ZDHHC11B: variants seen among roughly 807,000 people sequenced by gnomAD.
ZDHHC11B encodes probable palmitoyltransferase ZDHHC11B.
ZDHHC11B carries 17 observed loss-of-function variants against 42.3 expected under a neutral mutation model. That is an observed-to-expected ratio of 0.40 (90% confidence interval 0.27 to 0.60). ZDHHC11B has a LOEUF of 0.60. Among genes scored for constraint, ZDHHC11B ranks in the 20% least tolerant of loss-of-function variants. The pLI, the probability that ZDHHC11B is intolerant of heterozygous loss-of-function variation, is 0.41. For missense variants in ZDHHC11B, 262 were observed against 463.2 expected (o/e 0.57, Z 3.99); for synonymous variants, 123 against 193.5 (o/e 0.64, Z 3.02).
At chr5:732,112 T>G (rs1407998917) in intron 11 of ZDHHC11B, 3 of 153,028 alleles carry the variant, frequency 2.0e-5, no homozygotes, top group Non-Finnish European at 4.4e-5. Context: ...GGCGATGGAC[T>G]GTAGGTCTGT....
intron 7 of ZDHHC11B, among the ~76,000 whole-genome samples, chr5:750,804 C>T (rs1306634057): frequency 1.5e-5 from 2 of 129,846 alleles, no homozygotes; most frequent in African/African-American, 5.1e-5. Context: ...CTACATGGCC[C>T]CACAGGATGG....
intron 12 of ZDHHC11B, among the ~76,000 whole-genome samples, chr5:726,327 G>A (rs1234923683): frequency 3.3e-5 from 5 of 150,898 alleles, no homozygotes; most frequent in African/African-American, 1.2e-4. Context: ...CTGTGAGTGA[G>A]TCTATAAGGT....
rs1431413599 is a variant in ZDHHC11B, at chr5:741,158, C to T, written c.935+436G>A. ...GCCCTGGCCCTGTTGGGTGGGGCTCCGGGTCAAGGCACCCCCAGTGCTCCC... is the reference window on the plus strand; with the variant it reads ...GCCCTGGCCCTGTTGGGTGGGGCTCTGGGTCAAGGCACCCCCAGTGCTCCC... On this transcript the variant is annotated intron_variant, in intron 10 of 13. Transcript: ENST00000508859. Among the ~76,000 whole-genome samples, 19 of 125,640 alleles carry T rather than the reference C, an allele frequency of 1.5e-4. No homozygotes were observed. The South Asian group carries it at 3.9e-3, about 25-fold the overall frequency. The allele number at this position is 125,640 out of a possible 152,430, so 82.4% of individuals were successfully genotyped here. A position where few individuals can be genotyped will look rare whatever the true frequency, so the allele number is the denominator to read the frequency against.
chr5:777,746 A>G (rs1037746760), intron 1 of ZDHHC11B, among the ~76,000 whole-genome samples: 20 of 151,954 alleles, frequency 1.3e-4, no homozygotes, highest in African/African-American at 4.8e-4. Flanking sequence ...CACTCCACTC[A>G]GGAGTCTAGC....
rs533467209 is a variant in ZDHHC11B, at chr5:765,556, G to C, written c.222+1142C>G. On this transcript the variant is annotated intron_variant, in intron 4 of 13. Transcript: ENST00000508859. ...AATCAGCAGGATGTGGGTGGGGCCA[G>C]ATAAGGGAATAAAAGCAGGCTGCTC... Among the ~76,000 whole-genome samples, 4 of 152,026 alleles carry C rather than the reference G, an allele frequency of 2.6e-5. No homozygotes were observed. In the East Asian group the frequency reaches 7.7e-4, roughly 29 times the overall value.
chr5:779,037 C>G (rs1736768502), intron 1 of ZDHHC11B, among the ~76,000 whole-genome samples: 1 of 151,262 alleles, frequency 6.6e-6, no homozygotes, highest in South Asian at 2.1e-4. Context: ...GTGCCTTGAT[C>G]TTGGACTCTC....
rs574874166 is a variant in ZDHHC11B, at chr5:727,362, C to T, written c.1058+3072G>A. Among the ~76,000 whole-genome samples the T allele has an allele frequency of 1.5e-4, 22 of 146,618 alleles. 1 individual carries two copies. The highest frequency in any genetic ancestry group is 2.3e-4 in the Non-Finnish European group (15 of 66,200). ...CAGCGGAGTTGGGATGCCAGGGAAA[C>T]GCTATCGGCCACTCTCAAAATGAGG... On this transcript the variant is annotated intron_variant, in intron 12 of 13. Transcript: ENST00000508859.
rs1246714219 is a variant in ZDHHC11B, at chr5:710,745, C to A, written c.*1545G>T. 3.9e-5 allele frequency: 6 copies of A among 153,140 alleles called. No homozygotes were observed. Among genetic ancestry groups the A allele is most frequent in the African/African-American group, 1.5e-4 (6 of 40,492 alleles). The allele number at this position is 153,140 out of a possible 1,614,324, so 9.5% of individuals were successfully genotyped here. A position where few individuals can be genotyped will look rare whatever the true frequency, so the allele number is the denominator to read the frequency against. ...AGTACTGTGCTCCCATTTCCCAATG[C>A]TATGCTCCATTTCCCAGTGCTGTGA... On this transcript the variant is annotated 3_prime_UTR_variant, in exon 14 of 14. Transcript: ENST00000508859.
chr5:775,313 A>G (rs1189493671), intron 1 of ZDHHC11B, among the ~76,000 whole-genome samples: 1 of 151,850 alleles, frequency 6.6e-6, no homozygotes, highest in Non-Finnish European at 1.5e-5. Context: ...CCATGGTGGG[A>G]CAGTTGCTTG....
intron 4 of ZDHHC11B, among the ~76,000 whole-genome samples, chr5:756,953 G>A (rs1733940787): frequency 6.6e-6 from 1 of 151,724 alleles, no homozygotes; most frequent in Non-Finnish European, 1.5e-5. Context: ...CTCTGTCTTG[G>A]GCCCTCTGGG....
rs1162191447 is a variant in ZDHHC11B, at chr5:729,140, A to T, written c.1058+1294T>A. On this transcript the variant is annotated intron_variant, in intron 12 of 13. Coordinates refer to ENST00000508859, the MANE Select transcript of ZDHHC11B (RefSeq NM_001351303.2). ...GGTGACCTCAGCAGTCTGGGGTCCC[A>T]GGTGCCTCTAGAGGAACCCCAAGCA... Among the ~76,000 whole-genome samples the T allele has an allele frequency of 1.5e-3, 221 of 151,478 alleles. 2 individuals are homozygous for T. The highest frequency in any genetic ancestry group is 5.1e-3 in the African/African-American group (212 of 41,212).
Position 748,565 on chromosome 5 carries a change from G to A in ZDHHC11B, c.629-6C>T. On this transcript the variant is annotated splice_polypyrimidine_tract_variant and splice_region_variant and intron_variant, in intron 7 of 13. Coordinates refer to ENST00000508859, the MANE Select transcript of ZDHHC11B (RefSeq NM_001351303.2). ...CGTGTTCATATTCTTGACATCTGGG[G>A]AGACAAGGGAGAGACACTGTGTCCA... 1 of 1,361,148 alleles carries A rather than the reference G, an allele frequency of 7.3e-7. No homozygotes were observed. Among genetic ancestry groups the A allele is most frequent in the African/African-American group, 1.4e-5 (1 of 72,104 alleles). The allele number at this position is 1,361,148 out of a possible 1,614,324, so 84.3% of individuals were successfully genotyped here.
In ZDHHC11B at chr5:749,551, G is replaced by A. The variant is rs368529111; in HGVS notation, c.629-992C>T. ...TGCCCCCCTTAGCCAGTGACATCAC[G>A]ATGAGTTCAGCCCATGAGAACAAGG... is the stretch of plus-strand genomic sequence containing the variant. On this transcript the variant is annotated intron_variant, in intron 7 of 13. Coordinates refer to ENST00000508859, the MANE Select transcript of ZDHHC11B (RefSeq NM_001351303.2). Among the ~76,000 whole-genome samples the A allele has an allele frequency of 2.5e-4, 33 of 129,976 alleles. No individual in the cohort carries two copies. In the East Asian group the frequency reaches 9.7e-3, roughly 38 times the overall value. The allele number at this position is 129,976 out of a possible 152,430, so 85.3% of individuals were successfully genotyped here. A position where few individuals can be genotyped will look rare whatever the true frequency, so the allele number is the denominator to read the frequency against.
chr5:713,820 G>A (rs993017919), intron 13 of ZDHHC11B, among the ~76,000 whole-genome samples: 1 of 151,826 alleles, frequency 6.6e-6, no homozygotes, highest in African/African-American at 2.4e-5. Flanking sequence ...GTTTGCCACT[G>A]CAATGAGGGT....
intron 3 of ZDHHC11B, 130 bp downstream of exon 3, chr5:767,262 C>A: frequency 1.8e-6 from 2 of 1,126,504 alleles, no homozygotes; most frequent in Non-Finnish European, 2.5e-6. Flanking sequence ...AACGGGAAGA[C>A]CTGAGCTGCC....
intron 8 of ZDHHC11B, among the ~76,000 whole-genome samples, chr5:745,504 G>A (rs1395897549): frequency 1.3e-5 from 2 of 149,986 alleles, no homozygotes; most frequent in African/African-American, 2.4e-5. Flanking sequence ...ATGGTCAGCA[G>A]GAGGGGTCTG....
chr5:716,573 C>T (rs1410414828), intron 13 of ZDHHC11B, among the ~76,000 whole-genome samples: 1 of 151,730 alleles, frequency 6.6e-6, no homozygotes, highest in Non-Finnish European at 1.5e-5. Context: ...TTGTTTACTG[C>T]CTAGAAAATA....
intron 4 of ZDHHC11B, among the ~76,000 whole-genome samples, chr5:761,434 G>A (rs1192578233): frequency 6.6e-6 from 1 of 151,880 alleles, no homozygotes; most frequent in Non-Finnish European, 1.5e-5. Context: ...ACTCAGGGAT[G>A]TAGGTGGAGA....
At position 716,553 on chromosome 5, in the gene ZDHHC11B, A is replaced by C. The variant is rs905095975; in HGVS notation, c.*7+248T>G. On this transcript the variant is annotated intron_variant, in intron 13 of 13. Coordinates refer to ENST00000508859, the MANE Select transcript of ZDHHC11B (RefSeq NM_001351303.2). ...GCAAGTATGGAAATGAGCAGTGTTC[A>C]ATCTATACATTGTTTACTGCCTAGA... Among the ~76,000 whole-genome samples the C allele has an allele frequency of 9.2e-5, 14 of 151,794 alleles. 1 individual carries two copies. The highest frequency in any genetic ancestry group is 1.6e-4 in the Non-Finnish European group (11 of 67,986).
Sources: allele counts gnomAD v4.1 joint callset (sites outside exome capture counted in the v4.1 genomes callset), GRCh38; gene constraint gnomAD v4.1.1; transcripts MANE v1.5; gene names NCBI Gene and HGNC (gene_info 2026-07-23, HGNC 2026-07-21).